Variants in DPP6 observed in about 807,000 individuals in gnomAD.
DPP6 encodes the protein A-type potassium channel modulatory protein DPP6.
A neutral mutation model predicts 122.6 loss-of-function variants in DPP6; 69 were observed. The ratio of observed to expected loss-of-function variants is 0.56; its 90% confidence interval spans 0.46 to 0.69. DPP6 has a LOEUF of 0.69. Ranked by LOEUF, DPP6 falls within the 30% of genes least tolerant of loss-of-function variation. The pLI, the probability that DPP6 is intolerant of heterozygous loss-of-function variation, is 0.00. For synonymous variants in DPP6, 418 were observed against 433.1 expected (o/e 0.97, Z 0.43); for missense variants, 928 against 1,116.9 (o/e 0.83, Z 2.41).
chr7:154,157,516 A>G (rs1197132661), intron 1 of DPP6, among the ~76,000 whole-genome samples: 1 of 152,224 alleles, frequency 6.6e-6, no homozygotes, highest in Non-Finnish European at 1.5e-5. Context: ...GACAAAAACA[A>G]TAGTCCCCTG....
At chr7:153,963,229 T>G (rs1795449057) in intron 1 of DPP6, among the ~76,000 whole-genome samples, 1 of 151,714 alleles carries the variant, frequency 6.6e-6, no homozygotes, top group Admixed American at 6.6e-5. Context: ...AGTCCAAGGG[T>G]AGGGGAGTTG....
chr7:154,260,399 C>T (rs184064539), intron 1 of DPP6, among the ~76,000 whole-genome samples: 1 of 152,182 alleles, frequency 6.6e-6, no homozygotes, highest in Admixed American at 6.5e-5. Flanking sequence ...ATCGCCCAAG[C>T]AGTATACACT....
chr7:154,854,226 T>C (rs1563285640), intron 17 of DPP6, among the ~76,000 whole-genome samples: 1 of 152,150 alleles, frequency 6.6e-6, no homozygotes, highest in Admixed American at 6.5e-5. Context: ...TCTGGGAGCT[T>C]CACGGCATGG....
upstream of DPP6, among the ~76,000 whole-genome samples, chr7:153,885,401 G>A (rs1376085202): frequency 1.3e-5 from 2 of 152,048 alleles, no homozygotes; most frequent in African/African-American, 4.8e-5. Context: ...GTTAGGGGCT[G>A]AGGACTTTGG....
At chr7:154,653,619 CTGAT>C (rs138967979) in intron 6 of DPP6, among the ~76,000 whole-genome samples, 8 of 152,076 alleles carry the variant, frequency 5.3e-5, no homozygotes, top group African/African-American at 1.2e-4. Context: ...AGATGATAGA[CTGAT>C]TGGTTGAGAG....
the DPP6 span, among the ~76,000 whole-genome samples, chr7:153,793,434 T>G: frequency 7.6e-6 from 1 of 131,642 alleles, no homozygotes; most frequent in Non-Finnish European, 1.7e-5. Context: ...AGAGAGATGA[T>G]TTAGGGTATC....
chr7:153,985,834 T>C (rs1263234444), intron 1 of DPP6, among the ~76,000 whole-genome samples: 2 of 152,192 alleles, frequency 1.3e-5, no homozygotes, highest in Non-Finnish European at 2.9e-5. Context: ...CAGGTGAAAT[T>C]GACATTCTGG....
At chr7:154,617,765 C>T (rs558103457) in intron 5 of DPP6, among the ~76,000 whole-genome samples, 2 of 152,268 alleles carry the variant, frequency 1.3e-5, no homozygotes, top group East Asian at 3.9e-4. Context: ...GCAAATCATT[C>T]TCAGTTGGAA....
chr7:153,953,195 A>G (rs1802302072), intron 1 of DPP6, among the ~76,000 whole-genome samples: 1 of 152,160 alleles, frequency 6.6e-6, no homozygotes, highest in Non-Finnish European at 1.5e-5. Context: ...ACTTTTTTAA[A>G]ATCTTCCTTT....
intron 1 of DPP6, among the ~76,000 whole-genome samples, chr7:154,062,023 G>A (rs1286952908): frequency 4.3e-5 from 5 of 115,456 alleles, no homozygotes; most frequent in Admixed American, 8.8e-5. Context: ...CAGGGGGGGG[G>A]AGGCACCCCC....
chr7:154,574,959 TTTTG>T (rs1381995568), intron 5 of DPP6, among the ~76,000 whole-genome samples: 2 of 135,288 alleles, frequency 1.5e-5, no homozygotes, highest in African/African-American at 5.6e-5. Flanking sequence ...TGATGTGTGT[TTTTG>T]TGTGGTGTGT....
chr7:154,187,091 A>T (rs1376978928), intron 1 of DPP6, among the ~76,000 whole-genome samples: 1 of 152,180 alleles, frequency 6.6e-6, no homozygotes, highest in Non-Finnish European at 1.5e-5. Flanking sequence ...TGAAGGAAGC[A>T]CCTCTAATGA....
intron 1 of DPP6, among the ~76,000 whole-genome samples, chr7:154,244,663 T>C (rs1801855495): frequency 6.6e-6 from 1 of 152,156 alleles, no homozygotes; most frequent in South Asian, 2.1e-4. Flanking sequence ...GGATGCACAT[T>C]GTAATCCCTA....
At chr7:154,013,458 C>CTTTTCT (rs1554434172) in intron 1 of DPP6, among the ~76,000 whole-genome samples, 4,069 of 127,296 alleles carry the variant, frequency 0.032, 68 homozygotes, top group South Asian at 0.077. Flanking sequence ...GGTTTCTTTT[C>CTTTTCT]TTTTTTTTTT....
chr7:154,320,782 G>C (rs532633341), intron 1 of DPP6, among the ~76,000 whole-genome samples: 4 of 152,102 alleles, frequency 2.6e-5, no homozygotes, highest in African/African-American at 2.4e-5. Flanking sequence ...CACTGTGCCC[G>C]GCCCCTATTG....
chr7:154,466,354 T>C (rs1821782039), intron 2 of DPP6, among the ~76,000 whole-genome samples: 2 of 152,114 alleles, frequency 1.3e-5, no homozygotes, highest in Non-Finnish European at 2.9e-5. Context: ...TAAAGTGTAC[T>C]AAAAAAATAA....
chr7:154,569,752 C>G (rs1406074838), intron 5 of DPP6, among the ~76,000 whole-genome samples: 2 of 151,432 alleles, frequency 1.3e-5, no homozygotes, highest in African/African-American at 4.9e-5. Context: ...AAAAATCCTA[C>G]TATCCCACAT....
At chr7:153,828,517 A>G in the DPP6 span, among the ~76,000 whole-genome samples, 1 of 152,348 alleles carries the variant, frequency 6.6e-6, no homozygotes, top group African/African-American at 2.4e-5. Flanking sequence ...GCCATGTGTC[A>G]GAGATGGCAT....
chr7:154,043,551 G>A (rs1386245874), intron 1 of DPP6, among the ~76,000 whole-genome samples: 2 of 150,744 alleles, frequency 1.3e-5, no homozygotes, highest in Non-Finnish European at 2.9e-5. Flanking sequence ...ATACTCATGA[G>A]TTCGGTATTC....
Sources: allele counts gnomAD v4.1 joint callset (sites outside exome capture counted in the v4.1 genomes callset), GRCh38; gene constraint gnomAD v4.1.1; transcripts MANE v1.5; gene names NCBI Gene and HGNC (gene_info 2026-07-23, HGNC 2026-07-21).